The following SORBS2 variants were observed in gnomAD, a reference collection of about 807,000 sequenced individuals.
SORBS2 encodes the protein sorbin and SH3 domain-containing protein 2.
Under a neutral mutation model 97.7 loss-of-function variants are expected in SORBS2, and 46 were observed. The observed-to-expected ratio is 0.47, with a 90% CI of 0.37 to 0.60. The LOEUF is 0.60. Ranked by LOEUF, SORBS2 falls within the 20% of genes least tolerant of loss-of-function variation. SORBS2 has a pLI of 0.00. For synonymous variants in SORBS2, 476 were observed against 473.4 expected, an observed-to-expected ratio of 1.01 and a Z score of -0.07; for missense variants, 1,316 against 1,282.3, an observed-to-expected ratio of 1.03 and a Z score of -0.40.
At chr4:185,663,653 T>C (rs945617457) in intron 4 of SORBS2, among the ~76,000 whole-genome samples, 1 of 152,106 alleles carries the variant, frequency 6.6e-6, no homozygotes, top group Non-Finnish European at 1.5e-5. Flanking sequence ...TTAAGTTTGG[T>C]GGATCTTTGT....
At position 185,649,455 on chromosome 4, in the gene SORBS2, G is replaced by T. The variant is rs2097272909; in HGVS notation, c.281+12C>A. 6.4e-7 allele frequency: 1 copy of T among 1,555,652 alleles called. No homozygotes were observed. The highest frequency in any genetic ancestry group is 2.4e-5 in the East Asian group (1 of 41,756). The stretch of plus-strand genomic sequence containing the variant: ...AGCGAAACATAGGCCACCCTGGGGG[G>T]AAATGCCTTACTTTTCTGTTGAAGA... On this transcript the variant is annotated intron_variant, in intron 3 of 14. Coordinates refer to ENST00000418609, the Ensembl canonical transcript of SORBS2.
intron 1 of SORBS2, among the ~76,000 whole-genome samples, chr4:185,828,558 A>G (rs1469687546): frequency 2.0e-5 from 3 of 152,144 alleles, no homozygotes; most frequent in African/African-American, 4.8e-5. Context: ...ACAACAAAGA[A>G]AGAAAAGACA....
intron 1 of SORBS2, among the ~76,000 whole-genome samples, chr4:185,882,502 C>T (rs2099237378): frequency 6.6e-6 from 1 of 152,070 alleles, no homozygotes; most frequent in Non-Finnish European, 1.5e-5. Context: ...TGTTAAGATG[C>T]CAATTCTTCC....
upstream of SORBS2, among the ~76,000 whole-genome samples, chr4:185,660,866 A>C (rs1359861402): frequency 1.3e-5 from 2 of 152,154 alleles, no homozygotes; most frequent in East Asian, 3.8e-4. Context: ...GCTGTCCTAG[A>C]AGCTTCCTAG....
intron 1 of SORBS2, among the ~76,000 whole-genome samples, chr4:185,949,114 A>T (rs1048665974): frequency 6.6e-6 from 1 of 152,148 alleles, no homozygotes; most frequent in Non-Finnish European, 1.5e-5. Flanking sequence ...GCTGTATTCC[A>T]TACTGAGGAA....
intron 1 of SORBS2, among the ~76,000 whole-genome samples, chr4:185,818,834 AAAAG>A (rs1461236466): frequency 1.3e-5 from 2 of 151,874 alleles, no homozygotes; most frequent in East Asian, 1.9e-4. Flanking sequence ...TCAAAAAAAA[AAAAG>A]AAAAGAAACA....
chr4:185,912,635 G>A (rs879560305), intron 1 of SORBS2, among the ~76,000 whole-genome samples: 1 of 147,034 alleles, frequency 6.8e-6, no homozygotes, highest in Non-Finnish European at 1.5e-5. Flanking sequence ...GTCATAGTAG[G>A]AGAAAAGGGA....
rs1375470445 is a variant in SORBS2, at chr4:185,648,485, T to A, written c.281+982A>T. ...CTGGGTAACAGAGTGAGACTCCATTTAAAAAAAAAAAAAGTGCTGGGACTA... is the reference window on the plus strand; with the variant it reads ...CTGGGTAACAGAGTGAGACTCCATTAAAAAAAAAAAAAAGTGCTGGGACTA... On this transcript the variant is annotated intron_variant, in intron 3 of 14. Coordinates refer to ENST00000418609, the Ensembl canonical transcript of SORBS2. Among the ~76,000 whole-genome samples the A allele has an allele frequency of 1.2e-4, 17 of 138,770 alleles. 1 individual carries two copies. Among genetic ancestry groups the A allele is most frequent in the African/African-American group, 3.9e-4 (15 of 38,292 alleles). 91.0% of individuals were successfully genotyped at this position (138,770 alleles called of 152,430 possible). A position where few individuals can be genotyped will look rare whatever the true frequency, so the allele number is the denominator to read the frequency against.
At chr4:185,658,592 C>T (rs548849179), upstream of SORBS2, among the ~76,000 whole-genome samples, 1 of 151,546 alleles carries the variant, frequency 6.6e-6, no homozygotes, top group African/African-American at 2.4e-5. Context: ...GAAAAAAATT[C>T]TCATGTTTCA....
intron 2 of SORBS2, among the ~76,000 whole-genome samples, chr4:185,757,659 A>AT (rs5864958): frequency 0.45 from 68,559 of 152,010 alleles, 15,856 homozygotes; most frequent in South Asian, 0.5. Context: ...TCCAGGTGAC[A>AT]TAAGAAGACA....
chr4:185,851,092 A>G (rs1161053653), intron 1 of SORBS2, among the ~76,000 whole-genome samples: 1 of 152,198 alleles, frequency 6.6e-6, no homozygotes, highest in Non-Finnish European at 1.5e-5. Flanking sequence ...CACATGAAGC[A>G]ATTTCTATAA....
intron 4 of SORBS2, chr4:185,645,448 T>C (rs550317278): frequency 3.3e-5 from 5 of 152,178 alleles, no homozygotes; most frequent in Non-Finnish European, 7.3e-5. Flanking sequence ...CTAAAAGATA[T>C]GAGTTATTTA....
At chr4:185,658,566 C>T (rs1561737801), upstream of SORBS2, among the ~76,000 whole-genome samples, 7 of 151,842 alleles carry the variant, frequency 4.6e-5, no homozygotes, top group South Asian at 1.5e-3. Context: ...CTCAGAAAGT[C>T]CTTTAAGGTG....
intron 1 of SORBS2, among the ~76,000 whole-genome samples, chr4:185,939,549 TG>T (rs1341434485): frequency 1.3e-5 from 2 of 152,168 alleles, no homozygotes; most frequent in East Asian, 3.9e-4. Flanking sequence ...GCACTCTTGT[TG>T]CCCAGGCTGG....
At chr4:185,863,049 G>A (rs971211501) in intron 1 of SORBS2, among the ~76,000 whole-genome samples, 4 of 152,156 alleles carry the variant, frequency 2.6e-5, no homozygotes, top group Admixed American at 1.3e-4. Flanking sequence ...GGTGGGACAC[G>A]GAAGGAATCT....
intron 4 of SORBS2, 34 bp from the exon 17 acceptor site, chr4:185,630,632 T>TA (rs1276417658): frequency 2.8e-6 from 4 of 1,415,270 alleles, no homozygotes; most frequent in Non-Finnish European, 3.9e-6. Context: ...CATGAAAAAT[T>TA]TTACCGTGGC....
chr4:185,891,417 T>A (rs1464276379), intron 1 of SORBS2, among the ~76,000 whole-genome samples: 2 of 152,140 alleles, frequency 1.3e-5, no homozygotes, highest in Admixed American at 1.3e-4. Flanking sequence ...GTTAGGAGAA[T>A]GAGGGACCTG....
chr4:185,912,654 T>C (rs1291879695), intron 1 of SORBS2, among the ~76,000 whole-genome samples: 1 of 149,328 alleles, frequency 6.7e-6, no homozygotes, highest in African/African-American at 2.5e-5. Context: ...GAAAGGGTAT[T>C]CAAAACAAGA....
chr4:185,681,615 C>T (rs1032622464), intron 2 of SORBS2, among the ~76,000 whole-genome samples: 2 of 152,156 alleles, frequency 1.3e-5, no homozygotes, highest in Non-Finnish European at 2.9e-5. Context: ...AAGTTTTCCC[C>T]TTTCCTGGCT....
Sources: allele counts gnomAD v4.1 joint callset (sites outside exome capture counted in the v4.1 genomes callset), GRCh38; gene constraint gnomAD v4.1.1; transcripts MANE v1.5; gene names NCBI Gene and HGNC (gene_info 2026-07-23, HGNC 2026-07-21).